ARHGAP32: variants seen among roughly 807,000 people sequenced by gnomAD.
ARHGAP32 encodes the protein Rho GTPase activating protein 32.
Under a neutral mutation model 186.5 loss-of-function variants are expected in ARHGAP32, and 51 were observed. The observed-to-expected ratio is 0.27, with a 90% confidence interval of 0.22 to 0.35. The LOEUF (loss-of-function observed/expected upper bound fraction) is 0.35. Among genes scored for constraint, ARHGAP32 ranks in the 10% least tolerant of loss-of-function variants. ARHGAP32 has a pLI of 1.00. For missense variants in ARHGAP32, 2,186 were observed against 2,623.5 expected (o/e 0.83, Z 3.64); for synonymous variants, 950 against 964.3 (o/e 0.99, Z 0.27).
intron 11 of ARHGAP32, among the ~76,000 whole-genome samples, chr11:129,012,055 T>C (rs1472013806): frequency 6.6e-6 from 1 of 152,194 alleles, no homozygotes; most frequent in East Asian, 1.9e-4. Context: ...GTATCTTTTT[T>C]ATATAGCTTG....
chr11:129,048,672 C>T (rs1389539994), intron 10 of ARHGAP32, among the ~76,000 whole-genome samples: 2 of 152,232 alleles, frequency 1.3e-5, no homozygotes, highest in Non-Finnish European at 2.9e-5. Flanking sequence ...AATGATAATA[C>T]TAAGCATAAT....
At chr11:128,993,653 T>C (rs1565363189) in intron 12 of ARHGAP32, among the ~76,000 whole-genome samples, 1 of 151,916 alleles carries the variant, frequency 6.6e-6, no homozygotes, top group Admixed American at 6.6e-5. Context: ...TACACACATA[T>C]GATATAACTG....
chr11:129,093,538 A>C (rs1359224465), intron 6 of ARHGAP32, 83 bp downstream of exon 6: 4 of 957,882 alleles, frequency 4.2e-6, no homozygotes, highest in Non-Finnish European at 6.5e-6. Context: ...CTTTAGGCAA[A>C]TCACGTTATA....
intron 2 of ARHGAP32, among the ~76,000 whole-genome samples, chr11:129,145,947 G>A (rs891958715): frequency 6.6e-6 from 1 of 152,114 alleles, no homozygotes; most frequent in Non-Finnish European, 1.5e-5. Context: ...TTACTGAAGA[G>A]CTCCAAACAA....
At chr11:129,246,206 G>T (rs1045705959) in intron 1 of ARHGAP32, among the ~76,000 whole-genome samples, 3 of 152,180 alleles carry the variant, frequency 2.0e-5, no homozygotes. Context: ...CATTTAAAGA[G>T]GGGTCCCCCT....
intron 10 of ARHGAP32, among the ~76,000 whole-genome samples, chr11:129,059,179 A>T (rs1940388683): frequency 6.6e-6 from 1 of 152,192 alleles, no homozygotes; most frequent in Non-Finnish European, 1.5e-5. Flanking sequence ...AGGCAATGAG[A>T]TGGAGCAGAC....
rs981335250 is a variant in ARHGAP32 at position 129,033,842 on chromosome 11, G to A, written c.1045+7086C>T. Among the ~76,000 whole-genome samples, 5 of 152,138 alleles carry A rather than the reference G, an allele frequency of 3.3e-5. No individual in the cohort carries two copies. The East Asian group carries it at 5.8e-4, about 18-fold the overall frequency. On this transcript the variant is annotated intron_variant, in intron 11 of 22. Transcript: ENST00000682385. ...TCTTTATTGAAATGACTGTTCTTTT[G>A]AAACTGCCCTCCAATGCCACCTTTG... is the stretch of plus-strand genomic sequence containing the variant.
At chr11:129,015,441 T>C (rs942657084) in intron 11 of ARHGAP32, among the ~76,000 whole-genome samples, 2 of 152,236 alleles carry the variant, frequency 1.3e-5, no homozygotes, top group African/African-American at 2.4e-5. Flanking sequence ...GTCCTCATCA[T>C]GCAGGTTTTT....
In ARHGAP32 at chr11:128,967,333, GAGC is replaced by G. The variant is rs1322481950; in HGVS notation, c.*1571_*1573del. Reference sequence around the variant, plus strand: ...ATTAATTTCAAGTTCTAAAAAGCCAGAGCAGCAACCATCCAGTAATTGGAATGC... The same window carrying G: ...ATTAATTTCAAGTTCTAAAAAGCCAGAGCAACCATCCAGTAATTGGAATGC... On this transcript the variant is annotated 3_prime_UTR_variant, in exon 23 of 23. Coordinates refer to ENST00000682385, the MANE Select transcript of ARHGAP32 (RefSeq NM_001378024.1). 2.6e-5 allele frequency: 4 copies of G among 152,294 alleles called. No individual in the cohort carries two copies. The highest frequency in any genetic ancestry group is 7.2e-5 in the African/African-American group (3 of 41,564). The allele number at this position is 152,294 out of a possible 1,614,324, so 9.4% of individuals were successfully genotyped here. A position where few individuals can be genotyped will look rare whatever the true frequency, so the allele number is the denominator to read the frequency against.
At chr11:129,005,279 A>T (rs1433162969) in intron 11 of ARHGAP32, among the ~76,000 whole-genome samples, 3 of 152,300 alleles carry the variant, frequency 2.0e-5, no homozygotes, top group Admixed American at 2.0e-4. Flanking sequence ...TCTTCTACTT[A>T]AGAGCAGTTT....
Position 129,166,035 on chromosome 11 carries a change from G to A in ARHGAP32, c.117-1608C>T, listed in dbSNP as rs568226545. ...AAGAGAGAAATGATGAATTTCAACAGAGAATTGGAAGCCATAAAATCAAAT... is the reference window on the plus strand; with the variant it reads ...AAGAGAGAAATGATGAATTTCAACAAAGAATTGGAAGCCATAAAATCAAAT... On this transcript the variant is annotated intron_variant, in intron 1 of 22. Coordinates refer to ENST00000682385, the MANE Select transcript of ARHGAP32 (RefSeq NM_001378024.1). Among the ~76,000 whole-genome samples the A allele has an allele frequency of 8.5e-5, 13 of 152,170 alleles. No individual in the cohort carries two copies. The South Asian group carries it at 2.7e-3, about 32-fold the overall frequency.
chr11:129,112,550 G>C (rs1282630291), intron 5 of ARHGAP32, among the ~76,000 whole-genome samples: 1 of 151,856 alleles, frequency 6.6e-6, no homozygotes, highest in African/African-American at 2.4e-5. Context: ...CTGCTTCATG[G>C]TACATTAAAA....
At chr11:129,056,535 C>A (rs1940260218) in intron 10 of ARHGAP32, among the ~76,000 whole-genome samples, 1 of 152,154 alleles carries the variant, frequency 6.6e-6, no homozygotes. Flanking sequence ...GTATGAGGAA[C>A]CACATCCAGC....
At chr11:129,265,316 T>G (rs1324449907) in intron 1 of ARHGAP32, among the ~76,000 whole-genome samples, 1 of 152,214 alleles carries the variant, frequency 6.6e-6, no homozygotes, top group Admixed American at 6.5e-5. Context: ...TTTCTCAACC[T>G]TGGCGCTACT....
intron 6 of ARHGAP32, among the ~76,000 whole-genome samples, chr11:129,084,506 GAAAATC>G (rs1941319706): frequency 6.6e-6 from 1 of 152,054 alleles, no homozygotes; most frequent in African/African-American, 2.4e-5. Context: ...TTCAACATTT[GAAAATC>G]AACTAATGTA....
At chr11:129,052,474 G>A (rs1940091993) in intron 10 of ARHGAP32, among the ~76,000 whole-genome samples, 1 of 152,146 alleles carries the variant, frequency 6.6e-6, no homozygotes, top group Non-Finnish European at 1.5e-5. Context: ...AGATCAATAT[G>A]GGAAGAAACG....
At chr11:129,171,034 A>C (rs1050189695) in intron 1 of ARHGAP32, among the ~76,000 whole-genome samples, 3 of 152,126 alleles carry the variant, frequency 2.0e-5, no homozygotes, top group African/African-American at 7.2e-5. Flanking sequence ...TATCTTGTAA[A>C]TATGTTCGAA....
At chr11:129,104,693 A>G (rs528557713) in intron 5 of ARHGAP32, among the ~76,000 whole-genome samples, 2 of 152,176 alleles carry the variant, frequency 1.3e-5, no homozygotes, top group East Asian at 1.9e-4. Context: ...AAACTAAAAG[A>G]GAAAGAAGAT....
intron 19 of ARHGAP32, 83 bp downstream of exon 19, chr11:128,978,687 C>A: frequency 7.1e-7 from 1 of 1,414,658 alleles, no homozygotes. Flanking sequence ...GGAAGCAGAT[C>A]ATAACAATAT....
Sources: allele counts gnomAD v4.1 joint callset (sites outside exome capture counted in the v4.1 genomes callset), GRCh38; gene constraint gnomAD v4.1.1; transcripts MANE v1.5; gene names NCBI Gene and HGNC (gene_info 2026-07-23, HGNC 2026-07-21).